The following TPST1 variants were observed in gnomAD, a reference collection of about 807,000 sequenced individuals.
TPST1 encodes protein-tyrosine sulfotransferase 1.
A neutral mutation model predicts 34.8 loss-of-function variants in TPST1; 20 were observed. The observed-to-expected ratio is 0.57, with a 90% CI of 0.40 to 0.84. TPST1 has a LOEUF of 0.84. Among genes scored for constraint, TPST1 ranks in the 40% least tolerant of loss-of-function variants. The pLI is 0.00. For missense variants in TPST1, 353 were observed against 455.5 expected, an observed-to-expected ratio of 0.78 and a Z score of 2.05; for synonymous variants, 152 against 159.4, an observed-to-expected ratio of 0.95 and a Z score of 0.35.
At chr7:66,325,674 C>T (rs1016230759) in intron 3 of TPST1, among the ~76,000 whole-genome samples, 9 of 152,170 alleles carry the variant, frequency 5.9e-5, no homozygotes, top group Admixed American at 1.3e-4. Context: ...CTTGCTTTGT[C>T]ACCCAGGCTG....
chr7:66,313,229 C>T (rs192855667), intron 3 of TPST1, among the ~76,000 whole-genome samples: 82 of 152,136 alleles, frequency 5.4e-4, no homozygotes, highest in African/African-American at 1.9e-3. Context: ...GCCTGGCCAA[C>T]ATGGTGAAAC....
At chr7:66,260,963 C>T (rs1035668621) in intron 2 of TPST1, among the ~76,000 whole-genome samples, 2 of 152,198 alleles carry the variant, frequency 1.3e-5, no homozygotes, top group African/African-American at 4.8e-5. Flanking sequence ...CCATTTAGCA[C>T]ATCTCCAGAA....
At chr7:66,350,683 G>A (rs1792458895) in intron 3 of TPST1, among the ~76,000 whole-genome samples, 1 of 152,200 alleles carries the variant, frequency 6.6e-6, no homozygotes, top group Non-Finnish European at 1.5e-5. Context: ...TCAGCATTGA[G>A]ATTTTCTGTG....
intron 2 of TPST1, among the ~76,000 whole-genome samples, chr7:66,279,469 TG>T (rs1276340493): frequency 4.6e-5 from 7 of 152,328 alleles, no homozygotes; most frequent in African/African-American, 1.4e-4. Flanking sequence ...CTGGGTCTAA[TG>T]GTAGTTCTGA....
chr7:66,240,791 C>T lies in TPST1; in HGVS notation c.366C>T (p.Ile122=), dbSNP rs765564067. The part of the protein sequence containing the change: ...QMWSRSSKEK[I]RLDEAGVTDE... ...GGTCACGGTCAAGTAAAGAGAAGAT[C>T]CGCCTGGATGAGGCTGGTGTTACTG... Residue 122 remains isoleucine (I), a synonymous_variant, in exon 2 of 6, where the codon ATC becomes ATT. Transcript: ENST00000304842. 3 of 1,614,222 alleles carry T rather than the reference C, an allele frequency of 1.9e-6. No homozygotes were observed. The highest frequency in any genetic ancestry group is 1.1e-5 in the South Asian group (1 of 91,088).
At position 66,233,770 on chromosome 7, in the gene TPST1, C is replaced by T. The variant is rs1460275989; in HGVS notation, c.-101-6555C>T. ...ATAAAATTCATATCTTTAACTTGAC[C>T]TACAAGATTTGTGATCTGACCTCTG... On this transcript the variant is annotated intron_variant, in intron 1 of 5. Transcript: ENST00000304842. Among the ~76,000 whole-genome samples, 3 of 152,166 alleles carry T rather than the reference C, an allele frequency of 2.0e-5. No individual in the cohort carries two copies. In the South Asian group the frequency reaches 6.2e-4, roughly 32 times the overall value.
At chr7:66,242,819 T>C (rs1584167972) in intron 2 of TPST1, among the ~76,000 whole-genome samples, 2 of 152,248 alleles carry the variant, frequency 1.3e-5, no homozygotes, top group South Asian at 4.1e-4. Context: ...ATACTTGCTA[T>C]GTTTAAGGTA....
intron 4 of TPST1, among the ~76,000 whole-genome samples, chr7:66,353,816 C>T (rs1181407197): frequency 1.3e-5 from 2 of 152,208 alleles, no homozygotes; most frequent in East Asian, 1.9e-4. Flanking sequence ...GGTGAAGCAA[C>T]AGCACCTCAG....
At chr7:66,250,597 C>T (rs1715880752) in intron 2 of TPST1, among the ~76,000 whole-genome samples, 1 of 152,142 alleles carries the variant, frequency 6.6e-6, no homozygotes, top group Admixed American at 6.5e-5. Context: ...CCCTTATCTG[C>T]AGATGATATG....
Position 66,259,725 on chromosome 7 carries a change from T to A in TPST1, c.845+18455T>A, listed in dbSNP as rs182846226. ...CCCCAATATCAGTATCCTACTGGTA[T>A]ATTTATTACAATCGATGAATTTATA... On this transcript the variant is annotated intron_variant, in intron 2 of 5. Transcript: ENST00000304842. Among the ~76,000 whole-genome samples the A allele has an allele frequency of 7.9e-5, 12 of 152,314 alleles. No individual in the cohort carries two copies. The East Asian group carries it at 2.3e-3, about 29-fold the overall frequency.
At chr7:66,252,531 C>T (rs1294486558) in intron 2 of TPST1, among the ~76,000 whole-genome samples, 4 of 151,294 alleles carry the variant, frequency 2.6e-5, no homozygotes, top group Non-Finnish European at 4.4e-5. Flanking sequence ...TTAGTAGAGA[C>T]GGGGTGTTAG....
intron 3 of TPST1, among the ~76,000 whole-genome samples, chr7:66,322,138 C>G (rs537900660): frequency 8.6e-5 from 13 of 151,978 alleles, no homozygotes; most frequent in Non-Finnish European, 1.8e-4. Context: ...TTTTCCAATT[C>G]AAGTCCTTGG....
In TPST1 at chr7:66,241,154, C is replaced by T. The variant is rs139548967; in HGVS notation, c.729C>T (p.Val243=). 1.2e-5 allele frequency: 20 copies of T among 1,614,062 alleles called. No individual in the cohort carries two copies. Among genetic ancestry groups the T allele is most frequent in the Non-Finnish European group, 1.7e-5 (20 of 1,180,036 alleles). The change falls in exon 2 of 6, where the codon GTC becomes GTT. Residue 243 remains valine, a synonymous_variant. Coordinates refer to ENST00000304842, the MANE Select transcript of TPST1 (RefSeq NM_003596.4). The part of the protein sequence containing the change: ...KCMLVHYEQL[V]LHPERWMRTL... ...TGTTGGTTCACTATGAACAACTTGT[C>T]TTACATCCTGAACGGTGGATGAGAA...
rs939342391 is a variant in TPST1 at position 66,279,419 on chromosome 7, G to A, written c.846-7092G>A. On this transcript the variant is annotated intron_variant, in intron 2 of 5. Transcript: ENST00000304842. The stretch of plus-strand genomic sequence containing the variant: ...GTTACATGTGTCTTTATAGTAGAAC[G>A]ATTTATATTCCTGTGGGTATATATC... 1.9e-4 allele frequency among the ~76,000 whole-genome samples: 29 copies of A among 152,122 alleles called. 1 individual carries two copies. The highest frequency in any genetic ancestry group is 9.8e-4 in the Admixed American group (15 of 15,266).
At chr7:66,296,240 CCACCCTTCCCCCCCCCCTCCCCCA>C (rs1791189676) in intron 3 of TPST1, among the ~76,000 whole-genome samples, 1 of 105,050 alleles carries the variant, frequency 9.5e-6, no homozygotes, top group Non-Finnish European at 1.8e-5. Context: ...TAAAAAACAC[CCACCCTTCCCCCCCCCCTCCCCCA>C]CCGTCTCTGC....
rs1445816080 is a variant in TPST1, at chr7:66,360,317, T to C, written c.*452T>C. On this transcript the variant is annotated 3_prime_UTR_variant, in exon 6 of 6. Transcript: ENST00000304842. ...TGTTTAAGTGTATTGATGTGAATAA[T>C]ATTAAATATCCTAATTATTTAATTC... is the stretch of plus-strand genomic sequence containing the variant. 1.3e-5 allele frequency: 2 copies of C among 156,900 alleles called. No homozygotes were observed. Among genetic ancestry groups the C allele is most frequent in the South Asian group, 1.9e-4 (1 of 5,278 alleles). 9.7% of individuals were successfully genotyped at this position (156,900 alleles called of 1,614,324 possible).
chr7:66,230,738 G>T (rs904729130), intron 1 of TPST1, among the ~76,000 whole-genome samples: 1 of 152,128 alleles, frequency 6.6e-6, no homozygotes, highest in Non-Finnish European at 1.5e-5. Flanking sequence ...AAGGGGACCC[G>T]AGCGGGTTGC....
chr7:66,255,911 T>C (rs1790374457), intron 2 of TPST1, among the ~76,000 whole-genome samples: 1 of 152,186 alleles, frequency 6.6e-6, no homozygotes, highest in Non-Finnish European at 1.5e-5. Context: ...TTTTTTAGTC[T>C]TCTACCTAAT....
intron 2 of TPST1, among the ~76,000 whole-genome samples, chr7:66,250,053 A>ATC (rs771881666): frequency 6.6e-6 from 1 of 152,200 alleles, no homozygotes; most frequent in South Asian, 2.1e-4. Flanking sequence ...ATCAAATACT[A>ATC]TCTCTCTCCG....
Sources: allele counts gnomAD v4.1 joint callset (sites outside exome capture counted in the v4.1 genomes callset), GRCh38; gene constraint gnomAD v4.1.1; transcripts MANE v1.5; gene names NCBI Gene and HGNC (gene_info 2026-07-23, HGNC 2026-07-21).